Variants in CPTP observed in about 807,000 individuals in gnomAD.
CPTP encodes GLTP domain-containing protein 1.
CPTP carries 5 observed loss-of-function variants against 5.7 expected under a neutral mutation model. The observed-to-expected ratio is 0.88, with a 90% CI of 0.46 to 1.86. The LOEUF is 1.86. CPTP is among the 40% of genes most tolerant of loss of function. The pLI, the probability that CPTP is intolerant of heterozygous loss-of-function variation, is 0.01. For missense variants in CPTP, 335 were observed against 306.5 expected (o/e 1.09, Z -0.69); for synonymous variants, 166 against 142.7 (o/e 1.16, Z -1.16).
Position 1,327,854 on chromosome 1 carries a change from C to A in CPTP, c.*91C>A. 7.1e-7 allele frequency: 1 copy of A among 1,407,864 alleles called. No homozygotes were observed. Among genetic ancestry groups the A allele is most frequent in the Non-Finnish European group, 9.8e-7 (1 of 1,021,816 alleles). 87.2% of individuals were successfully genotyped at this position (1,407,864 alleles called of 1,614,324 possible). ...GAGTCCCGTGGCAGAGCCTTCTGGG[C>A]GCTGCGGGAACAGGAGATCCTCTGT... On this transcript the variant is annotated 3_prime_UTR_variant, in exon 3 of 3. Transcript: ENST00000343938.
chr1:1,326,699 C>T lies in CPTP; in HGVS notation c.-75-137C>T, dbSNP rs940044570. The T allele has an allele frequency of 1.9e-5, 11 of 567,020 alleles. No individual in the cohort carries two copies. In the African/African-American group the frequency reaches 2.1e-4, roughly 11 times the overall value. 35.1% of individuals were successfully genotyped at this position (567,020 alleles called of 1,614,324 possible). On this transcript the variant is annotated intron_variant, in intron 1 of 2. Coordinates refer to ENST00000343938, the MANE Select transcript of CPTP (RefSeq NM_001029885.2). ...TGCGCAATCCTGATGAAGGGTGGGTCAGGGTGGTGTGCCTGAGAGCCTGCG... is the reference window on the plus strand; with the variant it reads ...TGCGCAATCCTGATGAAGGGTGGGTTAGGGTGGTGTGCCTGAGAGCCTGCG...
chr1:1,327,365 G>A lies in CPTP; in HGVS notation c.247G>A (p.Val83Met). 1 of 1,598,334 alleles carries A rather than the reference G, an allele frequency of 6.3e-7. No homozygotes were observed. Among genetic ancestry groups the A allele is most frequent in the East Asian group, 2.2e-5 (1 of 44,822 alleles). Residue 83 changes from valine (V) to methionine (M), a missense_variant, in exon 3 of 3, where the codon GTG (valine) becomes ATG (methionine). Physicochemically the swap from Val to Met is conservative, Grantham distance 21 (BLOSUM62 1). Transcript: ENST00000343938. ...SEHYRSLQAM[V>M]AHELSNRLVD... ...GCACTACCGCAGCCTGCAGGCCATG[G>A]TGGCCCACGAGCTGAGCAACCGGCT... is the stretch of plus-strand genomic sequence containing the variant.
rs375729538 is a variant in CPTP, at chr1:1,327,581, C to A, written c.463C>A (p.Arg155Ser). The stretch of plus-strand genomic sequence containing the variant: ...GGCCGCCTACCACCCCTGGGTCGTG[C>A]GCCGCGCCGTCACCGTGGCCTTCTG... ...SLAAYHPWVV[R>S]RAVTVAFCTL... The change falls in exon 3 of 3, where the codon CGC becomes AGC. Residue 155 changes from arginine (R) to serine (S), a missense_variant. Coordinates refer to ENST00000343938, the MANE Select transcript of CPTP (RefSeq NM_001029885.2). The A allele has an allele frequency of 1.1e-5, 17 of 1,606,668 alleles. No homozygotes were observed. In the East Asian group the frequency reaches 3.8e-4, roughly 36 times the overall value.
Position 1,327,624 on chromosome 1 carries a change from A to T in CPTP, c.506A>T (p.Glu169Val), listed in dbSNP as rs1643339460. ...TVAFCTLPTR[E>V]VFLEAMNVGP... ...GCCTTCTGCACGCTGCCCACACGCG[A>T]GGTCTTCCTGGAGGCCATGAACGTG... Residue 169 changes from glutamate (E) to valine (V), a missense_variant, in exon 3 of 3, where the codon GAG becomes GTG. By Grantham distance (121) the Glu-to-Val change is moderately radical. Coordinates refer to ENST00000343938, the MANE Select transcript of CPTP (RefSeq NM_001029885.2). 1 of 1,612,458 alleles carries T rather than the reference A, an allele frequency of 6.2e-7. No homozygotes were observed. The highest frequency in any genetic ancestry group is 8.5e-7 in the Non-Finnish European group (1 of 1,179,814).
rs919752864 is a variant in CPTP, at chr1:1,328,011, G to A, written c.*248G>A. The stretch of plus-strand genomic sequence containing the variant: ...ACGGCTCCCCCTCGGCCTATTACAC[G>A]CGTGCGCAGCCAGGCCTCGCCAGGG... On this transcript the variant is annotated 3_prime_UTR_variant, in exon 3 of 3. Coordinates refer to ENST00000343938, the MANE Select transcript of CPTP (RefSeq NM_001029885.2). The A allele has an allele frequency of 3.5e-5, 20 of 576,062 alleles. No homozygotes were observed. Among genetic ancestry groups the A allele is most frequent in the African/African-American group, 3.2e-4 (17 of 53,280 alleles). The allele number at this position is 576,062 out of a possible 1,614,324, so 35.7% of individuals were successfully genotyped here.
chr1:1,326,782 G>A (rs1008704892), intron 1 of CPTP, 54 bp from the exon 2 acceptor site: 5 of 1,242,654 alleles, frequency 4.0e-6, no homozygotes, highest in Non-Finnish European at 4.6e-6. Context: ...AGGGGCATGA[G>A]TGTTCAGTGA....
In CPTP at chr1:1,327,868, G is replaced by A; in HGVS notation, c.*105G>A. On this transcript the variant is annotated 3_prime_UTR_variant, in exon 3 of 3. Transcript: ENST00000343938. ...AGCCTTCTGGGCGCTGCGGGAACAG[G>A]AGATCCTCTGTCGCCCCTGTGAGCT... The A allele has an allele frequency of 7.7e-7, 1 of 1,290,890 alleles. No homozygotes were observed. The highest frequency in any genetic ancestry group is 1.5e-5 in the African/African-American group (1 of 67,774). 80.0% of individuals were successfully genotyped at this position (1,290,890 alleles called of 1,614,324 possible).
chr1:1,324,888 C>T lies in CPTP; in HGVS notation c.-290C>T, dbSNP rs902843908. 2.5e-6 allele frequency: 1 copy of T among 394,918 alleles called. No homozygotes were observed. Among genetic ancestry groups the T allele is most frequent in the African/African-American group, 2.1e-5 (1 of 46,924 alleles). 24.5% of individuals were successfully genotyped at this position (394,918 alleles called of 1,614,324 possible). A position where few individuals can be genotyped will look rare whatever the true frequency, so the allele number is the denominator to read the frequency against. On this transcript the variant is annotated 5_prime_UTR_variant, in exon 1 of 3. Coordinates refer to ENST00000343938, the MANE Select transcript of CPTP (RefSeq NM_001029885.2). ...AACCCAACCCGCACGGTCCGGAAGTCGCCGAGGGGCCGGGAGCGGGAGGGG... is the reference window on the plus strand; with the variant it reads ...AACCCAACCCGCACGGTCCGGAAGTTGCCGAGGGGCCGGGAGCGGGAGGGG...
At position 1,327,593 on chromosome 1, in the gene CPTP, A is replaced by C. The variant is rs1643338503; in HGVS notation, c.475A>C (p.Thr159Pro). The C allele has an allele frequency of 2.5e-6, 4 of 1,610,692 alleles. No individual in the cohort carries two copies. The East Asian group carries it at 8.9e-5, about 36-fold the overall frequency. Residue 159 changes from threonine to proline, a missense_variant, in exon 3 of 3, where the codon ACC (threonine) becomes CCC (proline). Thr to Pro is a conservative substitution (Grantham distance 38). Transcript: ENST00000343938. Reference protein sequence around the residue: ...YHPWVVRRAVTVAFCTLPTRE... With the variant: ...YHPWVVRRAVPVAFCTLPTRE... ...CCCCTGGGTCGTGCGCCGCGCCGTC[A>C]CCGTGGCCTTCTGCACGCTGCCCAC...
Position 1,327,704 on chromosome 1 carries a change from C to T in CPTP, c.586C>T (p.Arg196Cys), listed in dbSNP as rs145750452. 80 of 1,612,662 alleles carry T rather than the reference C, an allele frequency of 5.0e-5. No homozygotes were observed. In the Admixed American group the frequency reaches 1.0e-3, roughly 21 times the overall value. ...MLGEALPFIQ[R>C]VYNVSQKLYA... ...AGGCGAGGCCCTCCCCTTCATCCAG[C>T]GTGTCTACAACGTCTCCCAGAAGCT... The change falls in exon 3 of 3, where the codon CGT becomes TGT. Residue 196 changes from arginine (R) to cysteine (C), a missense_variant. Transcript: ENST00000343938.
At position 1,327,286 on chromosome 1, in the gene CPTP, C is replaced by T. The variant is rs199687313; in HGVS notation, c.168C>T (p.Asp56=). The change falls in exon 3 of 3, where the codon GAC becomes GAT. Residue 56 remains aspartate, a synonymous_variant. Transcript: ENST00000343938. ...CCATCTTCTCATTCATCTCCAAGGA[C>T]GTGGTCTCCAAGCTGCGGATCATGG... ...LGTIFSFISK[D]VVSKLRIMER... 21 of 1,598,270 alleles carry T rather than the reference C, an allele frequency of 1.3e-5. No individual in the cohort carries two copies. The highest frequency in any genetic ancestry group is 2.2e-5 in the East Asian group (1 of 44,870).
Position 1,327,744 on chromosome 1 carries a change from C to G in CPTP, c.626C>G (p.Ser209Cys), listed in dbSNP as rs762049499. 9.9e-6 allele frequency: 16 copies of G among 1,612,064 alleles called. No homozygotes were observed. The South Asian group carries it at 1.3e-4, about 13-fold the overall frequency. Residue 209 changes from serine (S) to cysteine (C), a missense_variant, in exon 3 of 3, where the codon TCC becomes TGC. Ser to Cys is a moderately radical substitution (Grantham distance 112). Transcript: ENST00000343938. ...TCCCAGAAGCTCTACGCCGAGCACT[C>G]CCTGCTGGACCTGCCCTAGGGGCGG... ...NVSQKLYAEH[S>C]LLDLP
Position 1,327,424 on chromosome 1 carries a change from GTCTGGCTGCCGGACGGTGC to G in CPTP, c.308_326del (p.Ser103CysfsTer67), listed in dbSNP as rs1205164451. ...TGGAGCGCCGCTCCCACCACCCGGA[GTCTGGCTGCCGGACGGTGC>G]TGCGCCTGCACCGCGCCCTGCACTG... On this transcript the variant is annotated frameshift_variant, in exon 3 of 3. Transcript: ENST00000343938. LOFTEE classifies it low-confidence loss of function (END_TRUNC). 6.9e-6 allele frequency: 11 copies of G among 1,588,182 alleles called. No homozygotes were observed. Among genetic ancestry groups the G allele is most frequent in the Non-Finnish European group, 8.5e-6 (10 of 1,173,516 alleles).
Position 1,326,944 on chromosome 1 carries a change from G to A in CPTP, c.34G>A (p.Val12Ile). 1 of 1,613,860 alleles carries A rather than the reference G, an allele frequency of 6.2e-7. No homozygotes were observed. Among genetic ancestry groups the A allele is most frequent in the Non-Finnish European group, 8.5e-7 (1 of 1,180,002 alleles). The change falls in exon 2 of 3, where the codon GTC becomes ATC. Residue 12 changes from valine to isoleucine, a missense_variant. Val to Ile is a conservative substitution (Grantham distance 29). Transcript: ENST00000343938. ...CTCGGAGACAGGTTTCAATCTGAAAGTCGTCCTGGTCAGTTTCAAGCAGTG... is the reference window on the plus strand; with the variant it reads ...CTCGGAGACAGGTTTCAATCTGAAAATCGTCCTGGTCAGTTTCAAGCAGTG... ...DDSETGFNLK[V>I]VLVSFKQCLD...
At position 1,327,728 on chromosome 1, in the gene CPTP, C is replaced by G. The variant is rs776301736; in HGVS notation, c.610C>G (p.Leu204Val). The G allele has an allele frequency of 6.2e-7, 1 of 1,612,612 alleles. No individual in the cohort carries two copies. Among genetic ancestry groups the G allele is most frequent in the Non-Finnish European group, 8.5e-7 (1 of 1,179,922 alleles). ...GCGTGTCTACAACGTCTCCCAGAAG[C>G]TCTACGCCGAGCACTCCCTGCTGGA... The part of the protein sequence containing the change: ...IQRVYNVSQK[L>V]YAEHSLLDLP Residue 204 changes from leucine to valine, a missense_variant, in exon 3 of 3, where the codon CTC becomes GTC. Transcript: ENST00000343938.
In CPTP at chr1:1,326,866, C is replaced by A; in HGVS notation, c.-45C>A. 1 of 1,611,952 alleles carries A rather than the reference C, an allele frequency of 6.2e-7. No individual in the cohort carries two copies. Among genetic ancestry groups the A allele is most frequent in the Middle Eastern group, 1.7e-4 (1 of 6,056 alleles). On this transcript the variant is annotated 5_prime_UTR_variant, in exon 2 of 3. Transcript: ENST00000343938. ...GAGCCACAGAGCAAGCTGACCCCAG[C>A]GACACAGCCCCCCAGCCCTACTGTA... is the stretch of plus-strand genomic sequence containing the variant.
intron 1 of CPTP, among the ~76,000 whole-genome samples, chr1:1,326,122 G>C (rs1643296415): frequency 6.6e-6 from 1 of 152,246 alleles, no homozygotes; most frequent in Non-Finnish European, 1.5e-5. Context: ...GGCTCCCTAG[G>C]GCTAGTACAA....
At chr1:1,326,065 T>C (rs1338275539) in intron 1 of CPTP, among the ~76,000 whole-genome samples, 1 of 152,074 alleles carries the variant, frequency 6.6e-6, no homozygotes, top group Non-Finnish European at 1.5e-5. Flanking sequence ...GGAGTGACTA[T>C]GTGAATGCCA....
In CPTP at chr1:1,327,279, C is replaced by G. The variant is rs1403084192; in HGVS notation, c.161C>G (p.Ser54Cys). ...CTGGGCACCATCTTCTCATTCATCT[C>G]CAAGGACGTGGTCTCCAAGCTGCGG... ...NSLGTIFSFI[S>C]KDVVSKLRIM... is the part of the protein sequence containing the mutation. Residue 54 changes from serine to cysteine, a missense_variant, in exon 3 of 3, where the codon TCC (serine) becomes TGC (cysteine). Transcript: ENST00000343938. 6.3e-7 allele frequency: 1 copy of G among 1,598,174 alleles called. No individual in the cohort carries two copies. The highest frequency in any genetic ancestry group is 1.1e-5 in the South Asian group (1 of 91,040).
Sources: gnomAD v4.1 joint callset for allele counts (sites outside exome capture counted in the v4.1 genomes callset) on GRCh38, gnomAD v4.1.1 for gene constraint, MANE v1.5 for transcripts, NCBI Gene and HGNC (gene_info 2026-07-23, HGNC 2026-07-21) for gene names.